TMOD2: variants seen among roughly 807,000 people sequenced by gnomAD.
TMOD2 encodes the protein tropomodulin 2, also known as tropomodulin-2.
Under a neutral mutation model 39.9 loss-of-function variants are expected in TMOD2, and 22 were observed. That is an observed-to-expected ratio of 0.55 (90% confidence interval 0.39 to 0.79). The LOEUF (loss-of-function observed/expected upper bound fraction) is 0.79. TMOD2 is among the 30% of genes least tolerant of loss of function. TMOD2 has a pLI of 0.00. For missense variants in TMOD2, 386 were observed against 413.3 expected, an observed-to-expected ratio of 0.93 and a Z score of 0.57; for synonymous variants, 123 against 146.1, an observed-to-expected ratio of 0.84 and a Z score of 1.14.
At chr15:51,770,395 G>T (rs773590648) in intron 3 of TMOD2, among the ~76,000 whole-genome samples, 4 of 152,216 alleles carry the variant, frequency 2.6e-5, no homozygotes, top group Admixed American at 1.3e-4. Context: ...ACTTACTTTG[G>T]TTTTTGCATG....
intron 6 of TMOD2, 55 bp downstream of exon 6, chr15:51,781,229 T>C: frequency 1.3e-6 from 2 of 1,507,702 alleles, no homozygotes; most frequent in Non-Finnish European, 1.8e-6. Context: ...TCAGAAAACT[T>C]ACCAGAGATG....
intron 3 of TMOD2, among the ~76,000 whole-genome samples, chr15:51,771,671 C>G (rs2055854628): frequency 6.6e-6 from 1 of 151,974 alleles, no homozygotes; most frequent in South Asian, 2.1e-4. Flanking sequence ...TCTTTAAAAA[C>G]AAAGAAAGAA....
chr15:51,752,188 C>A (rs2055709792), intron 1 of TMOD2, among the ~76,000 whole-genome samples: 1 of 152,106 alleles, frequency 6.6e-6, no homozygotes, highest in African/African-American at 2.4e-5. Context: ...TTCCTGAGAT[C>A]GCTGGAGCTG....
At position 51,775,183 on chromosome 15, in the gene TMOD2, CAG is replaced by C. The variant is rs749449902; in HGVS notation, c.406+1351_406+1352del. ...CCATGTTATTGTGGCAGATAGAGAG[CAG>C]ACAGAAAGTTCTTCAAGGGAGTGGT... On this transcript the variant is annotated intron_variant, in intron 4 of 9. Transcript: ENST00000249700. 1.9e-3 allele frequency among the ~76,000 whole-genome samples: 285 copies of C among 152,200 alleles called. 3 individuals carry two copies. The highest frequency in any genetic ancestry group is 5.7e-3 in the African/African-American group (236 of 41,508).
rs143502384 is a variant in TMOD2, at chr15:51,791,504, A to G, written c.733-6693A>G. 9.3e-3 allele frequency among the ~76,000 whole-genome samples: 1,410 copies of G among 152,334 alleles called. 15 individuals are homozygous for G. The highest frequency in any genetic ancestry group is 0.019 in the African/African-American group (773 of 41,568). On this transcript the variant is annotated intron_variant, in intron 7 of 9. Coordinates refer to ENST00000249700, the MANE Select transcript of TMOD2 (RefSeq NM_014548.4). The stretch of plus-strand genomic sequence containing the variant: ...TTTCTTCACAGAATTGGAAAAAACT[A>G]CTTTAAACTTCATATGGAACCAAAA...
In TMOD2 at chr15:51,772,812, G is replaced by A. The variant is rs370660685; in HGVS notation, c.284-900G>A. On this transcript the variant is annotated intron_variant, in intron 3 of 9. Transcript: ENST00000249700. ...TCTGCATTCCCAATTTAGAGGGAGC[G>A]CTCCAGGGGATCACCAGTTTGTTAC... Among the ~76,000 whole-genome samples, 93 of 152,188 alleles carry A rather than the reference G, an allele frequency of 6.1e-4. No individual in the cohort carries two copies. In the Middle Eastern group the frequency reaches 0.014, roughly 22 times the overall value.
rs1160406557 is a variant in TMOD2, at chr15:51,806,432, A to G, written c.932A>G (p.Asn311Ser). 1 of 1,614,228 alleles carries G rather than the reference A, an allele frequency of 6.2e-7. No individual in the cohort carries two copies. The highest frequency in any genetic ancestry group is 1.3e-5 in the African/African-American group (1 of 75,068). The stretch of plus-strand genomic sequence containing the variant: ...GAAATTGCCCAGATGCTGGAGGAGA[A>G]TTCAAGGATCCTCAAGTTTGGATAC... ...EMEIAQMLEE[N>S]SRILKFGYQF... Residue 311 changes from asparagine (N) to serine (S), a missense_variant, in exon 9 of 10, where the codon AAT becomes AGT. Transcript: ENST00000249700.
chr15:51,780,342 A>G (rs892685164), intron 5 of TMOD2, among the ~76,000 whole-genome samples: 1 of 152,192 alleles, frequency 6.6e-6, no homozygotes, highest in Non-Finnish European at 1.5e-5. Flanking sequence ...CTCGTTTCAC[A>G]CTTGTTTGCT....
At chr15:51,805,006 T>A (rs980287042) in intron 8 of TMOD2, among the ~76,000 whole-genome samples, 26 of 152,096 alleles carry the variant, frequency 1.7e-4, no homozygotes, top group African/African-American at 6.3e-4. Context: ...TCACCCAGGC[T>A]GGAGTGCAGT....
intron 7 of TMOD2, among the ~76,000 whole-genome samples, chr15:51,791,433 A>G (rs552355965): frequency 6.6e-6 from 1 of 152,338 alleles, no homozygotes; most frequent in African/African-American, 2.4e-5. Flanking sequence ...ACACTGCCCA[A>G]AGTAATTTGT....
intron 8 of TMOD2, among the ~76,000 whole-genome samples, chr15:51,802,091 G>T (rs1401820839): frequency 6.6e-6 from 1 of 151,752 alleles, no homozygotes; most frequent in African/African-American, 2.4e-5. Flanking sequence ...TCCAAAAAAA[G>T]ATGCAGGCTG....
At chr15:51,783,956 C>T (rs1373995312) in intron 7 of TMOD2, 1 of 152,174 alleles carries the variant, frequency 6.6e-6, no homozygotes, top group Non-Finnish European at 1.5e-5. Flanking sequence ...TTTATAGCTA[C>T]TTTATTGAGG....
chr15:51,805,787 A>T (rs2056118185), intron 8 of TMOD2, among the ~76,000 whole-genome samples: 1 of 152,202 alleles, frequency 6.6e-6, no homozygotes, highest in African/African-American at 2.4e-5. Flanking sequence ...CACAAAAGTC[A>T]AAATTAAAAA....
At position 51,798,165 on chromosome 15, in the gene TMOD2, A is replaced by C. The variant is rs757725956; in HGVS notation, c.733-32A>C. 31 of 1,558,922 alleles carry C rather than the reference A, an allele frequency of 2.0e-5. 1 individual carries two copies. In the South Asian group the frequency reaches 3.5e-4, roughly 18 times the overall value. ...ATTAATCTTTAGAAATTCTAACTTA[A>C]TTCTAAGTTTTTTTTCTTTTTGCAT... On this transcript the variant is annotated intron_variant, in intron 7 of 9. Transcript: ENST00000249700.
At chr15:51,789,077 G>A (rs796067657) in intron 7 of TMOD2, among the ~76,000 whole-genome samples, 1 of 152,134 alleles carries the variant, frequency 6.6e-6, no homozygotes, top group South Asian at 2.1e-4. Context: ...ATTGGATAAA[G>A]AGTCAAGACC....
rs530299826 is a variant in TMOD2 at position 51,778,252 on chromosome 15, C to T, written c.493+1234C>T. 2.0e-4 allele frequency among the ~76,000 whole-genome samples: 29 copies of T among 146,578 alleles called. No individual in the cohort carries two copies. In the South Asian group the frequency reaches 3.7e-3, roughly 19 times the overall value. ...TATCTCAAGGACAAAAAACCAACACCGCATCTTCTCACTCATAGATGGGAA... is the reference window on the plus strand; with the variant it reads ...TATCTCAAGGACAAAAAACCAACACTGCATCTTCTCACTCATAGATGGGAA... On this transcript the variant is annotated intron_variant, in intron 5 of 9. Coordinates refer to ENST00000249700, the MANE Select transcript of TMOD2 (RefSeq NM_014548.4).
intron 9 of TMOD2, among the ~76,000 whole-genome samples, chr15:51,808,207 C>A (rs1016404793): frequency 6.6e-6 from 1 of 152,100 alleles, no homozygotes; most frequent in African/African-American, 2.4e-5. Flanking sequence ...CTCGAGTACC[C>A]AACTATCAGA....
At position 51,776,898 on chromosome 15, in the gene TMOD2, C is replaced by G. The variant is rs201014508; in HGVS notation, c.407-34C>G. Reference sequence around the variant, plus strand: ...AATGTGGACATCCTAATGTGCTTCTCCAAACTTAATGCTCATTTGTTGACT... The same window carrying G: ...AATGTGGACATCCTAATGTGCTTCTGCAAACTTAATGCTCATTTGTTGACT... On this transcript the variant is annotated intron_variant, in intron 4 of 9. Coordinates refer to ENST00000249700, the MANE Select transcript of TMOD2 (RefSeq NM_014548.4). 4.4e-6 allele frequency: 7 copies of G among 1,575,348 alleles called. No individual in the cohort carries two copies. The Admixed American group carries it at 6.7e-5, about 15-fold the overall frequency.
chr15:51,781,171 T>A lies in TMOD2; in HGVS notation c.621T>A (p.Ile207=). 1.2e-6 allele frequency: 2 copies of A among 1,601,860 alleles called. No homozygotes were observed. Among genetic ancestry groups the A allele is most frequent in the South Asian group, 2.3e-5 (2 of 88,042 alleles). The change falls in exon 6 of 10, where the codon ATT becomes ATA. Residue 207 remains isoleucine (I), a synonymous_variant. Coordinates refer to ENST00000249700, the MANE Select transcript of TMOD2 (RefSeq NM_014548.4). ...TGCAAGAAGTCAACCTCAACAACAT[T>A]AAGGTATTTCATTGTGATTATCATC... is the stretch of plus-strand genomic sequence containing the variant. ...PSLQEVNLNN[I]KNIPIPTLRE...
Sources: gnomAD v4.1 joint callset for allele counts (sites outside exome capture counted in the v4.1 genomes callset) on GRCh38, gnomAD v4.1.1 for gene constraint, MANE v1.5 for transcripts, NCBI Gene and HGNC (gene_info 2026-07-23, HGNC 2026-07-21) for gene names.